MAST2: variants seen among roughly 807,000 people sequenced by gnomAD.
MAST2 encodes the protein microtubule-associated serine/threonine-protein kinase 2.
A neutral mutation model predicts 147.4 loss-of-function variants in MAST2; 70 were observed. The observed-to-expected ratio is 0.47, with a 90% CI of 0.39 to 0.58. MAST2 has a LOEUF of 0.58. Among genes scored for constraint, MAST2 ranks in the 20% least tolerant of loss-of-function variants. The pLI is 0.00. For synonymous variants in MAST2, 869 were observed against 896.8 expected (o/e 0.97, Z 0.55); for missense variants, 2,080 against 2,302.3 (o/e 0.90, Z 1.98).
At chr1:45,971,222 C>T (rs1413791067) in intron 5 of MAST2, among the ~76,000 whole-genome samples, 1 of 152,144 alleles carries the variant, frequency 6.6e-6, no homozygotes, top group Non-Finnish European at 1.5e-5. Flanking sequence ...GAGATGTTTT[C>T]TGGTTTGCCC....
At chr1:45,900,867 A>G (rs963434483) in intron 4 of MAST2, among the ~76,000 whole-genome samples, 4 of 151,498 alleles carry the variant, frequency 2.6e-5, no homozygotes, top group Middle Eastern at 3.4e-3. Context: ...TTTTTTTCTT[A>G]CGATTTAAGT....
intron 4 of MAST2, among the ~76,000 whole-genome samples, chr1:45,890,425 G>A (rs1398406921): frequency 6.6e-6 from 1 of 152,188 alleles, no homozygotes; most frequent in Non-Finnish European, 1.5e-5. Flanking sequence ...GCAGAGAGTG[G>A]CCTTCTTGCT....
chr1:45,905,040 A>T (rs990005416), intron 4 of MAST2, among the ~76,000 whole-genome samples: 1 of 151,978 alleles, frequency 6.6e-6, no homozygotes, highest in Non-Finnish European at 1.5e-5. Flanking sequence ...CATACTCCTG[A>T]GCTCAAGTGA....
intron 3 of MAST2, among the ~76,000 whole-genome samples, chr1:45,848,570 G>C (rs1170833374): frequency 6.6e-6 from 1 of 152,140 alleles, no homozygotes; most frequent in African/African-American, 2.4e-5. Flanking sequence ...GCTTGTGCTT[G>C]GTTTCCTCCA....
intron 4 of MAST2, among the ~76,000 whole-genome samples, chr1:45,916,421 TC>T (rs922986948): frequency 2.0e-5 from 3 of 152,150 alleles, no homozygotes; most frequent in African/African-American, 4.8e-5. Flanking sequence ...AAATTAGAAA[TC>T]TATTTATTAC....
intron 3 of MAST2, among the ~76,000 whole-genome samples, chr1:45,835,121 C>T (rs1645066625): frequency 6.6e-6 from 1 of 151,988 alleles, no homozygotes; most frequent in Admixed American, 6.6e-5. Context: ...GCAAATTTTC[C>T]TTAGGAGGCC....
At chr1:45,940,644 G>T (rs1657111481) in intron 4 of MAST2, among the ~76,000 whole-genome samples, 1 of 146,662 alleles carries the variant, frequency 6.8e-6, no homozygotes, top group South Asian at 2.1e-4. Context: ...TTTTGAGACA[G>T]AGTCTCGCTC....
At chr1:46,024,145 C>T (rs764295022) in intron 15 of MAST2, 165 bp downstream of exon 15, 28 of 658,132 alleles carry the variant, frequency 4.3e-5, no homozygotes, top group Non-Finnish European at 6.1e-5. Context: ...CATTTGGCCA[C>T]AGTGGGCACA....
chr1:45,804,390 T>C (rs1644078473), intron 1 of MAST2, among the ~76,000 whole-genome samples: 2 of 152,170 alleles, frequency 1.3e-5, no homozygotes, highest in African/African-American at 4.8e-5. Context: ...AAAGAGGCGT[T>C]GAGGAGTTAT....
At position 46,030,601 on chromosome 1, in the gene MAST2, C is replaced by A. The variant is rs1300696081; in HGVS notation, c.2554-6C>A. On this transcript the variant is annotated splice_polypyrimidine_tract_variant and splice_region_variant and intron_variant, in intron 21 of 28. Transcript: ENST00000361297. ...CCCATCCCCAGCGCATCCCCTGTGC[C>A]CACAGGTGTACAGCAGCATGGAGCG... is the stretch of plus-strand genomic sequence containing the variant. 6.2e-7 allele frequency: 1 copy of A among 1,603,754 alleles called. No homozygotes were observed. Among genetic ancestry groups the A allele is most frequent in the Non-Finnish European group, 8.5e-7 (1 of 1,177,002 alleles).
At chr1:45,943,778 G>A (rs1333944984) in intron 4 of MAST2, among the ~76,000 whole-genome samples, 1 of 151,784 alleles carries the variant, frequency 6.6e-6, no homozygotes, top group Non-Finnish European at 1.5e-5. Flanking sequence ...ATAAAAAATA[G>A]GTTTTGCTTT....
At chr1:45,830,000 G>T (rs7526532) in intron 3 of MAST2, among the ~76,000 whole-genome samples, 68,585 of 150,066 alleles carry the variant, frequency 0.46, 15,834 homozygotes, top group East Asian at 0.66. Flanking sequence ...GATTACAGGT[G>T]TGCGCCACCA....
chr1:45,849,393 TGGAACTTTATTTCCGGCAG>T (rs994585865), intron 3 of MAST2, among the ~76,000 whole-genome samples: 3 of 152,102 alleles, frequency 2.0e-5, no homozygotes, highest in African/African-American at 7.2e-5. Flanking sequence ...CATAGATCAA[TGGAACTTTATTTCCGGCAG>T]AAATAAAGCT....
intron 5 of MAST2, among the ~76,000 whole-genome samples, chr1:45,961,033 A>G (rs1660343201): frequency 6.6e-6 from 1 of 152,008 alleles, no homozygotes; most frequent in South Asian, 2.1e-4. Context: ...TCCTTGGGAG[A>G]AGGATCTCAC....
At chr1:45,888,455 C>G (rs973293619) in intron 4 of MAST2, among the ~76,000 whole-genome samples, 1 of 151,926 alleles carries the variant, frequency 6.6e-6, no homozygotes, top group African/African-American at 2.4e-5. Context: ...CTCCGCCTCC[C>G]GGGTTCACAC....
At chr1:45,890,468 G>C (rs1316669173) in intron 4 of MAST2, among the ~76,000 whole-genome samples, 3 of 152,176 alleles carry the variant, frequency 2.0e-5, no homozygotes, top group African/African-American at 4.8e-5. Context: ...TGGTACACCA[G>C]CCTGAGGATA....
At chr1:45,868,909 TAAAAG>T (rs1443874905) in intron 3 of MAST2, among the ~76,000 whole-genome samples, 1 of 152,202 alleles carries the variant, frequency 6.6e-6, no homozygotes, top group Non-Finnish European at 1.5e-5. Flanking sequence ...GGAAGCTTGA[TAAAAG>T]AAACATTTCA....
chr1:45,977,796 G>A (rs1466787115), intron 5 of MAST2, among the ~76,000 whole-genome samples: 1 of 36,498 alleles, frequency 2.7e-5, no homozygotes, highest in African/African-American at 1.2e-4. Context: ...CAAGACTCTT[G>A]TCTCAAAAAA....
At chr1:45,923,981 C>T (rs562757591) in intron 4 of MAST2, among the ~76,000 whole-genome samples, 7 of 152,278 alleles carry the variant, frequency 4.6e-5, no homozygotes, top group East Asian at 1.9e-4. Context: ...AAGCAATTCT[C>T]CTGCCTCAGC....
Sources: allele counts gnomAD v4.1 joint callset (sites outside exome capture counted in the v4.1 genomes callset), GRCh38; gene constraint gnomAD v4.1.1; transcripts MANE v1.5; gene names NCBI Gene and HGNC (gene_info 2026-07-23, HGNC 2026-07-21).